The following CREB5 variants were observed in gnomAD, a reference collection of about 807,000 sequenced individuals.
The protein encoded by CREB5 is cyclic AMP-responsive element-binding protein 5.
A neutral mutation model predicts 57.1 loss-of-function variants in CREB5; 19 were observed. The ratio of observed to expected loss-of-function variants is 0.33; its 90% CI spans 0.23 to 0.49. CREB5 has a LOEUF of 0.49. Ranked by LOEUF, CREB5 falls within the 20% of genes least tolerant of loss-of-function variation. CREB5 has a pLI of 0.99. For missense variants in CREB5, 579 were observed against 671.6 expected (o/e 0.86, Z 1.52); for synonymous variants, 238 against 238.3 (o/e 1.00, Z 0.01).
In CREB5 at chr7:28,435,305, T is replaced by C. The variant is rs1217984409; in HGVS notation, c.3+22388T>C. On this transcript the variant is annotated intron_variant, in intron 1 of 10. Transcript: ENST00000357727. Reference sequence around the variant, plus strand: ...CTTGTGTGGGCTTGTGAAAATTCAGTGTCATTTGGCAAGGTTGTTTTATAT... The same window carrying C: ...CTTGTGTGGGCTTGTGAAAATTCAGCGTCATTTGGCAAGGTTGTTTTATAT... 3.9e-5 allele frequency among the ~76,000 whole-genome samples: 6 copies of C among 151,952 alleles called. No homozygotes were observed. The East Asian group carries it at 1.2e-3, about 29-fold the overall frequency.
At chr7:28,489,437 C>A (rs1022132298) in intron 2 of CREB5, among the ~76,000 whole-genome samples, 6 of 151,274 alleles carry the variant, frequency 4.0e-5, no homozygotes, top group Non-Finnish European at 7.4e-5. Context: ...GTAGCTGGGA[C>A]TAGAGGTGCC....
At chr7:28,495,589 G>T (rs1377565316) in intron 3 of CREB5, among the ~76,000 whole-genome samples, 1 of 151,838 alleles carries the variant, frequency 6.6e-6, no homozygotes, top group Non-Finnish European at 1.5e-5. Context: ...CAACAAATGT[G>T]AATTGGGCAT....
chr7:28,527,291 A>G (rs1793489492), intron 4 of CREB5, among the ~76,000 whole-genome samples: 1 of 152,200 alleles, frequency 6.6e-6, no homozygotes, highest in Admixed American at 6.5e-5. Flanking sequence ...ATATTCCAAG[A>G]TCAGTGCCAT....
intron 4 of CREB5, among the ~76,000 whole-genome samples, chr7:28,567,966 G>A (rs967731055): frequency 6.6e-6 from 1 of 152,196 alleles, no homozygotes; most frequent in African/African-American, 2.4e-5. Context: ...AATGCTGTGT[G>A]TAATGTGATC....
intron 1 of CREB5, among the ~76,000 whole-genome samples, chr7:28,380,143 A>C (rs1382596674): frequency 6.6e-6 from 1 of 152,170 alleles, no homozygotes; most frequent in Non-Finnish European, 1.5e-5. Context: ...TCCTTGGAAG[A>C]AGCTTATCTG....
At chr7:28,564,258 A>G (rs907215579) in intron 4 of CREB5, among the ~76,000 whole-genome samples, 4 of 152,164 alleles carry the variant, frequency 2.6e-5, no homozygotes, top group Admixed American at 1.3e-4. Context: ...AAAATCCCAT[A>G]AAGTCTCTAC....
chr7:28,303,839 C>T (rs1371147568), intron 1 of CREB5, among the ~76,000 whole-genome samples: 2 of 151,912 alleles, frequency 1.3e-5, no homozygotes, highest in African/African-American at 4.8e-5. Flanking sequence ...GTATTTTTTG[C>T]ACAAGTGTTC....
At chr7:28,670,192 TAATTTGTAAATTAGGCA>T (rs1799976123) in intron 5 of CREB5, among the ~76,000 whole-genome samples, 1 of 152,236 alleles carries the variant, frequency 6.6e-6, no homozygotes, top group Non-Finnish European at 1.5e-5. Context: ...TGATAAAGTT[TAATTTGTAAATTAGGCA>T]CAATAAGAGA....
chr7:28,510,462 T>C (rs1480970908), intron 4 of CREB5, among the ~76,000 whole-genome samples: 1 of 152,258 alleles, frequency 6.6e-6, no homozygotes, highest in Non-Finnish European at 1.5e-5. Flanking sequence ...AGAAAGTTCT[T>C]GCTTGAACTT....
At chr7:28,662,619 C>A (rs960412567) in intron 5 of CREB5, among the ~76,000 whole-genome samples, 2 of 152,170 alleles carry the variant, frequency 1.3e-5, no homozygotes, top group Admixed American at 1.3e-4. Flanking sequence ...AGCTACTCAA[C>A]CCCCAATTCC....
intron 1 of CREB5, among the ~76,000 whole-genome samples, chr7:28,306,086 T>G (rs1001201914): frequency 2.6e-5 from 4 of 152,186 alleles, no homozygotes; most frequent in Non-Finnish European, 5.9e-5. Flanking sequence ...GATGGTATCT[T>G]TGTGCCACCT....
intron 1 of CREB5, among the ~76,000 whole-genome samples, chr7:28,402,475 G>C (rs1194598861): frequency 2.0e-5 from 3 of 152,102 alleles, no homozygotes; most frequent in Non-Finnish European, 4.4e-5. Flanking sequence ...CCAAAACAGA[G>C]ATATAGACAA....
At chr7:28,627,339 G>A (rs780655828) in intron 5 of CREB5, among the ~76,000 whole-genome samples, 3 of 152,248 alleles carry the variant, frequency 2.0e-5, no homozygotes, top group Non-Finnish European at 2.9e-5. Flanking sequence ...TACTTGAACC[G>A]TTCGTTTGAA....
chr7:28,505,751 G>A (rs964635905), intron 3 of CREB5, among the ~76,000 whole-genome samples: 6 of 152,088 alleles, frequency 3.9e-5, no homozygotes, highest in African/African-American at 7.2e-5. Context: ...AAATAGTATC[G>A]ACTCTTGTTA....
chr7:28,501,901 T>C (rs1792289620), intron 3 of CREB5, among the ~76,000 whole-genome samples: 1 of 152,200 alleles, frequency 6.6e-6, no homozygotes, highest in African/African-American at 2.4e-5. Flanking sequence ...CATTGTCTAA[T>C]GGACTCACAG....
rs117038908 is a variant in CREB5, at chr7:28,425,842, G to A, written c.3+12925G>A. Among the ~76,000 whole-genome samples the A allele has an allele frequency of 8.6e-4, 131 of 152,206 alleles. No homozygotes were observed. The East Asian group carries it at 0.022, about 26-fold the overall frequency. On this transcript the variant is annotated intron_variant, in intron 1 of 10. Transcript: ENST00000357727. The stretch of plus-strand genomic sequence containing the variant: ...TGCACCTTTGACATTTTCCAACTGC[G>A]CCTTTGACATTTTCCTCTAGATGGA...
rs369539389 is a variant in CREB5, at chr7:28,347,685, C to G, written c.-25+48244C>G. On this transcript the variant is annotated intron_variant, in intron 1 of 9. Transcript: ENST00000396299. ...ATAGCTTGAAATTTCAATGCAATAG[C>G]TTCAATTTCACTTTGGCATCCTTTC... Among the ~76,000 whole-genome samples the G allele has an allele frequency of 1.1e-4, 17 of 152,296 alleles. No individual in the cohort carries two copies. The East Asian group carries it at 3.3e-3, about 29-fold the overall frequency.
chr7:28,331,176 C>A (rs1785709275), intron 1 of CREB5, among the ~76,000 whole-genome samples: 1 of 152,046 alleles, frequency 6.6e-6, no homozygotes, highest in Admixed American at 6.6e-5. Flanking sequence ...GTTCAGTATT[C>A]CTCAACCATT....
rs148124349 is a variant in CREB5, at chr7:28,570,389, G to A, written c.316G>A (p.Gly106Ser). Residue 106 changes from glycine (G) to serine (S), a missense_variant, in exon 5 of 11, where the codon GGT becomes AGT. This residue lies in a region of CREB5 where 459 missense variants were observed against 515.7 expected (regional missense o/e 0.89). Transcript: ENST00000357727. ...KRNISMHNAVGGAMTGPGTHQ... is the reference protein window; with the variant it reads ...KRNISMHNAVSGAMTGPGTHQ... The stretch of plus-strand genomic sequence containing the variant: ...GAATATCTCGATGCATAATGCAGTT[G>A]GTGGGGCCATGACGGGGCCCGGAAC... 3.6e-5 allele frequency: 58 copies of A among 1,613,892 alleles called. No individual in the cohort carries two copies. The East Asian group carries it at 1.0e-3, about 29-fold the overall frequency.
Sources: allele counts gnomAD v4.1 joint callset (sites outside exome capture counted in the v4.1 genomes callset), GRCh38; gene constraint gnomAD v4.1.1; regional missense constraint gnomAD v4.1.1; transcripts MANE v1.5; gene names NCBI Gene and HGNC (gene_info 2026-07-23, HGNC 2026-07-21).